The following PCDH7 variants were observed in gnomAD, a reference collection of about 807,000 sequenced individuals.
PCDH7 encodes protocadherin-7.
In PCDH7, 17 loss-of-function variants were observed where a neutral mutation model predicts 58.9. That is an observed-to-expected ratio of 0.29 (90% CI 0.20 to 0.43). The LOEUF is 0.43. PCDH7 is among the 20% of genes least tolerant of loss of function. PCDH7 has a pLI of 1.00. For missense variants in PCDH7, 1,274 were observed against 1,441.0 expected, an observed-to-expected ratio of 0.88 and a Z score of 1.88; for synonymous variants, 664 against 616.4, an observed-to-expected ratio of 1.08 and a Z score of -1.14.
chr4:30,846,714 A>G (rs1010413605), intron 1 of PCDH7, among the ~76,000 whole-genome samples: 7 of 152,166 alleles, frequency 4.6e-5, no homozygotes, highest in African/African-American at 1.7e-4. Flanking sequence ...CCTGTTGAGA[A>G]CTATTGTTTC....
At chr4:30,893,238 T>A (rs1488604981) in intron 1 of PCDH7, among the ~76,000 whole-genome samples, 2 of 152,122 alleles carry the variant, frequency 1.3e-5, no homozygotes, top group Non-Finnish European at 2.9e-5. Context: ...TCTTTAACCG[T>A]TAAAATAAGA....
At chr4:30,840,211 A>AG (rs1014475001) in intron 1 of PCDH7, among the ~76,000 whole-genome samples, 1 of 151,914 alleles carries the variant, frequency 6.6e-6, no homozygotes, top group African/African-American at 2.4e-5. Context: ...ATCAGGTAGG[A>AG]GAAAAAAAAG....
chr4:31,103,831 G>A (rs1045811266), intron 3 of PCDH7, among the ~76,000 whole-genome samples: 1 of 152,200 alleles, frequency 6.6e-6, no homozygotes, highest in African/African-American at 2.4e-5. Flanking sequence ...CTTAAAGGGT[G>A]TGAGATTTCT....
chr4:30,894,490 AATATAT>A (rs1553909430), intron 1 of PCDH7, among the ~76,000 whole-genome samples: 5 of 33,518 alleles, frequency 1.5e-4, no homozygotes, highest in African/African-American at 2.6e-4. Context: ...AAAAAAAAAA[AATATAT>A]ATATATATAT....
chr4:31,132,693 T>G (rs1439408842), intron 3 of PCDH7, among the ~76,000 whole-genome samples: 1 of 152,146 alleles, frequency 6.6e-6, no homozygotes, highest in Non-Finnish European at 1.5e-5. Flanking sequence ...AGCTAACAAA[T>G]TCTATTAACT....
At chr4:31,086,460 C>A (rs956017822) in intron 3 of PCDH7, among the ~76,000 whole-genome samples, 1 of 151,906 alleles carries the variant, frequency 6.6e-6, no homozygotes, top group Non-Finnish European at 1.5e-5. Flanking sequence ...ATCTATACAC[C>A]CAGAGATTTG....
chr4:30,900,912 G>T (rs986648142), intron 1 of PCDH7, among the ~76,000 whole-genome samples: 1 of 152,018 alleles, frequency 6.6e-6, no homozygotes, highest in Non-Finnish European at 1.5e-5. Flanking sequence ...GCTAATTGAG[G>T]GGCAACATAT....
chr4:30,723,202 A>T lies in PCDH7; in HGVS notation c.1780A>T (p.Asn594Tyr). Residue 594 changes from asparagine (N) to tyrosine (Y), a missense_variant, in exon 1 of 2, where the codon AAT becomes TAT. Asn to Tyr is a moderately radical substitution (Grantham distance 143). Transcript: ENST00000361762. This position sits in a 1 kb window ranked among gnomAD's most constrained non-coding sequence, Gnocchi z 4.6. ...TCCCGATTCTGGGGACATCCTGGTC[A>T]ATACCGTGCTGGACCGCGAGCAGAC... is the stretch of plus-strand genomic sequence containing the variant. 6.2e-7 allele frequency: 1 copy of T among 1,614,228 alleles called. No individual in the cohort carries two copies. The highest frequency in any genetic ancestry group is 2.2e-5 in the East Asian group (1 of 44,870).
rs893087705 is a variant in PCDH7 at position 30,742,542 on chromosome 4, A to G, written c.70+17946A>G. On this transcript the variant is annotated intron_variant, in intron 1 of 3. Coordinates refer to the PCDH7 transcript ENST00000509759. ...TCTCTTTAGAAATGCTGGGTTCTACATTTTAAGCTACAGAGATGCTGTGCA... is the reference window on the plus strand; with the variant it reads ...TCTCTTTAGAAATGCTGGGTTCTACGTTTTAAGCTACAGAGATGCTGTGCA... Among the ~76,000 whole-genome samples the G allele has an allele frequency of 7.7e-4, 117 of 152,332 alleles. 1 individual carries two copies. The highest frequency in any genetic ancestry group is 2.7e-3 in the African/African-American group (114 of 41,588).
rs189147920 is a variant in PCDH7, at chr4:30,940,109, A to C, written c.288-10011A>C. 8.4e-3 allele frequency among the ~76,000 whole-genome samples: 1,278 copies of C among 152,114 alleles called. 11 individuals are homozygous for C. The highest frequency in any genetic ancestry group is 8.7e-3 in the Non-Finnish European group (588 of 67,952). ...GTAGGCAAAAAAACAAACAAACAAAAAAAAAACCTCAGGGTTATACTAATA... is the reference window on the plus strand; with the variant it reads ...GTAGGCAAAAAAACAAACAAACAAACAAAAAACCTCAGGGTTATACTAATA... On this transcript the variant is annotated intron_variant, in intron 2 of 3. Coordinates refer to the PCDH7 transcript ENST00000509759.
chr4:31,052,145 G>A (rs114547859), intron 3 of PCDH7, among the ~76,000 whole-genome samples: 1,583 of 152,148 alleles, frequency 0.01, 30 homozygotes, highest in African/African-American at 0.036. Context: ...TAAGGCATTA[G>A]AGAAGTGTTG....
At position 30,724,584 on chromosome 4, in the gene PCDH7, G is replaced by A. The variant is rs376843657; in HGVS notation, c.3162G>A (p.Lys1054=). ...AGTACAGCTGTCAAACCAATAACAA[G>A]TACAGCAAACAGGTAAGATGTATCC... is the stretch of plus-strand genomic sequence containing the variant. The change falls in exon 1 of 2, where the codon AAG becomes AAA. Residue 1054 remains lysine, a synonymous_variant. Coordinates refer to ENST00000361762, the Ensembl canonical transcript of PCDH7. The A allele has an allele frequency of 2.5e-6, 4 of 1,613,862 alleles. No homozygotes were observed. In the African/African-American group the frequency reaches 5.3e-5, roughly 22 times the overall value.
intron 1 of PCDH7, among the ~76,000 whole-genome samples, chr4:30,764,270 G>C (rs572307803): frequency 8.3e-4 from 126 of 152,240 alleles, no homozygotes; most frequent in African/African-American, 2.8e-3. Flanking sequence ...TAATGATAAT[G>C]AGTCTTCATG....
chr4:30,835,075 T>G (rs1454061105), intron 1 of PCDH7, among the ~76,000 whole-genome samples: 1 of 152,148 alleles, frequency 6.6e-6, no homozygotes, highest in Non-Finnish European at 1.5e-5. Context: ...TGTTACACCT[T>G]AAACAAATTT....
At chr4:30,889,832 C>A (rs532110500) in intron 1 of PCDH7, among the ~76,000 whole-genome samples, 7 of 152,226 alleles carry the variant, frequency 4.6e-5, no homozygotes, top group African/African-American at 1.7e-4. Flanking sequence ...GATTAGGTTC[C>A]AATATACAAA....
At chr4:31,056,349 C>T (rs1219773525) in intron 3 of PCDH7, among the ~76,000 whole-genome samples, 3 of 142,436 alleles carry the variant, frequency 2.1e-5, no homozygotes, top group African/African-American at 7.9e-5. Context: ...GCATACGTGA[C>T]AGAGAGAGAC....
intron 3 of PCDH7, among the ~76,000 whole-genome samples, chr4:30,984,829 C>T (rs938746131): frequency 3.3e-5 from 5 of 152,066 alleles, no homozygotes; most frequent in Non-Finnish European, 5.9e-5. Context: ...AAGCCAGCAA[C>T]AGATGAGCAT....
At chr4:30,866,005 C>T (rs1734836351) in intron 1 of PCDH7, among the ~76,000 whole-genome samples, 1 of 152,036 alleles carries the variant, frequency 6.6e-6, no homozygotes, top group African/African-American at 2.4e-5. Flanking sequence ...TAAGCTCCTT[C>T]TGTGTTTTTG....
intron 3 of PCDH7, among the ~76,000 whole-genome samples, chr4:31,028,221 A>G (rs1204782211): frequency 6.6e-6 from 1 of 152,176 alleles, no homozygotes; most frequent in African/African-American, 2.4e-5. Context: ...AGTGTTATAC[A>G]CAGGAATATT....
Sources: allele counts gnomAD v4.1 joint callset (sites outside exome capture counted in the v4.1 genomes callset), GRCh38; gene constraint gnomAD v4.1.1; non-coding constraint Gnocchi (gnomAD v3.1); transcripts MANE v1.5; gene names NCBI Gene and HGNC (gene_info 2026-07-23, HGNC 2026-07-21).